Variants in DCAF6 observed in about 807,000 individuals in gnomAD.
The protein encoded by DCAF6 is DDB1 and CUL4 associated factor 6.
A neutral mutation model predicts 125.1 loss-of-function variants in DCAF6; 54 were observed. The ratio of observed to expected loss-of-function variants is 0.43; its 90% CI spans 0.35 to 0.54. The LOEUF (loss-of-function observed/expected upper bound fraction) is 0.54. DCAF6 is among the 20% of genes least tolerant of loss of function. The probability of loss-of-function intolerance (pLI) is 0.01; values close to 1 mark genes in which losing one functional copy is unlikely to be tolerated. For missense variants in DCAF6, 934 were observed against 1,161.7 expected (o/e 0.80, Z 2.85); for synonymous variants, 371 against 390.4 (o/e 0.95, Z 0.58).
chr1:168,030,813 A>T (rs910145430), intron 12 of DCAF6, among the ~76,000 whole-genome samples: 2 of 152,242 alleles, frequency 1.3e-5, no homozygotes, highest in Non-Finnish European at 2.9e-5. Context: ...TAGGTTATAC[A>T]TTTATTTATA....
intron 12 of DCAF6, among the ~76,000 whole-genome samples, chr1:168,034,818 C>G (rs1687590527): frequency 6.6e-6 from 1 of 152,082 alleles, no homozygotes; most frequent in Admixed American, 6.5e-5. Context: ...GTAAATAAGA[C>G]TTTGAAAAAT....
the DCAF6 span, among the ~76,000 whole-genome samples, chr1:167,909,121 A>G: frequency 6.6e-6 from 1 of 152,242 alleles, no homozygotes; most frequent in East Asian, 1.9e-4. Context: ...AACATAGATC[A>G]CCTTTGCCAG....
intron 13 of DCAF6, among the ~76,000 whole-genome samples, chr1:168,039,340 AATTG>A (rs1176427296): frequency 2.0e-5 from 3 of 151,716 alleles, no homozygotes; most frequent in South Asian, 2.1e-4. Flanking sequence ...TTTAGTATTT[AATTG>A]ATTATTAGTA....
At chr1:168,035,555 AACTACACTC>A (rs1434882768) in intron 12 of DCAF6, among the ~76,000 whole-genome samples, 1 of 152,140 alleles carries the variant, frequency 6.6e-6, no homozygotes, top group Non-Finnish European at 1.5e-5. Context: ...ACGAGGAAAT[AACTACACTC>A]AGGGACCTGA....
At position 168,068,214 on chromosome 1, in the gene DCAF6, T is replaced by A. The variant is rs1692589973; in HGVS notation, c.2686-144T>A. 1.7e-5 allele frequency: 8 copies of A among 465,494 alleles called. No homozygotes were observed. In the South Asian group the frequency reaches 2.6e-4, roughly 15 times the overall value. 28.8% of individuals were successfully genotyped at this position (465,494 alleles called of 1,614,324 possible). A position where few individuals can be genotyped will look rare whatever the true frequency, so the allele number is the denominator to read the frequency against. ...GTGATTATTTGGCATTGAATAGACT[T>A]AAGGCAGAAATATAGACATCAGACG... On this transcript the variant is annotated intron_variant, in intron 20 of 21. Transcript: ENST00000367840.
chr1:168,003,845 A>G (rs1260852537), intron 8 of DCAF6, 25 bp from the exon 9 acceptor site: 1 of 1,574,242 alleles, frequency 6.4e-7, no homozygotes, highest in Admixed American at 1.8e-5. Context: ...TACTAAACTC[A>G]CTGATAAGAC....
At chr1:167,972,459 T>C (rs1424286506) in intron 3 of DCAF6, among the ~76,000 whole-genome samples, 1 of 152,204 alleles carries the variant, frequency 6.6e-6, no homozygotes, top group Non-Finnish European at 1.5e-5. Context: ...ACAGTCACTG[T>C]AGGGTTTTAA....
At chr1:167,980,483 T>G (rs1170450385) in intron 4 of DCAF6, among the ~76,000 whole-genome samples, 1 of 152,204 alleles carries the variant, frequency 6.6e-6, no homozygotes, top group Admixed American at 6.5e-5. Context: ...TGCCAACACT[T>G]ACAATTTTTT....
intron 11 of DCAF6, among the ~76,000 whole-genome samples, chr1:168,017,227 T>A (rs202253): frequency 1.4e-5 from 2 of 147,718 alleles, no homozygotes; most frequent in Non-Finnish European, 3.0e-5. Flanking sequence ...AACATTTTTG[T>A]TTTTTTTTTT....
At chr1:167,994,432 T>G (rs1307701535) in intron 7 of DCAF6, among the ~76,000 whole-genome samples, 2 of 152,158 alleles carry the variant, frequency 1.3e-5, no homozygotes, top group Non-Finnish European at 2.9e-5. Flanking sequence ...TTACTCTTCA[T>G]ATATGGACAG....
At chr1:168,031,118 G>C (rs925964664) in intron 12 of DCAF6, among the ~76,000 whole-genome samples, 1 of 152,170 alleles carries the variant, frequency 6.6e-6, no homozygotes, top group African/African-American at 2.4e-5. Flanking sequence ...AAAGAAATTT[G>C]GGAGATTTTT....
chr1:168,001,558 A>AT (rs1682627445), intron 7 of DCAF6, among the ~76,000 whole-genome samples: 1 of 152,138 alleles, frequency 6.6e-6, no homozygotes, highest in South Asian at 2.1e-4. Flanking sequence ...TGAATATAGA[A>AT]TTTTCTCAAG....
At chr1:167,939,494 G>C (rs2102611790) in intron 1 of DCAF6, among the ~76,000 whole-genome samples, 1 of 152,252 alleles carries the variant, frequency 6.6e-6, no homozygotes, top group Admixed American at 6.5e-5. Context: ...CGGGCGCGGT[G>C]GCTTACGCCT....
rs867696482 is a variant in DCAF6 at position 168,043,138 on chromosome 1, C to T, written c.1841C>T (p.Thr614Ile). 2 of 1,608,824 alleles carry T rather than the reference C, an allele frequency of 1.2e-6. No homozygotes were observed. Among genetic ancestry groups the T allele is most frequent in the African/African-American group, 1.3e-5 (1 of 74,766 alleles). ...CAACCACCAGAAGGAGACAGTGAAACAAGTAAGGTGTTATTTTGCTTTTGT... is the reference window on the plus strand; with the variant it reads ...CAACCACCAGAAGGAGACAGTGAAATAAGTAAGGTGTTATTTTGCTTTTGT... ...SVQPPEGDSE[T>I]KAPEESSEDV... Residue 614 changes from threonine to isoleucine, a missense_variant and splice_region_variant, in exon 14 of 22, where the codon ACA becomes ATA. Transcript: ENST00000367840.
the DCAF6 span, among the ~76,000 whole-genome samples, chr1:167,925,546 G>GT: frequency 7.9e-5 from 8 of 101,826 alleles, no homozygotes; most frequent in Admixed American, 2.1e-4. Context: ...TTTTTTTTTG[G>GT]TTTTTTTTGT....
intron 12 of DCAF6, among the ~76,000 whole-genome samples, chr1:168,037,621 T>C (rs1688007882): frequency 6.6e-6 from 1 of 152,190 alleles, no homozygotes. Context: ...TTAATTTGTG[T>C]AGGCTTTCTT....
the DCAF6 span, among the ~76,000 whole-genome samples, chr1:167,895,746 G>C: frequency 6.6e-6 from 1 of 152,204 alleles, no homozygotes; most frequent in Admixed American, 6.5e-5. Flanking sequence ...TTGAGAGTGA[G>C]TGTCTGCTTA....
intron 16 of DCAF6, among the ~76,000 whole-genome samples, chr1:168,048,278 A>G (rs1689390574): frequency 6.6e-6 from 1 of 152,180 alleles, no homozygotes; most frequent in Non-Finnish European, 1.5e-5. Flanking sequence ...AGCCCAGTCA[A>G]TATTAGTTTA....
chr1:167,893,096 TA>T, the DCAF6 span, among the ~76,000 whole-genome samples: 1 of 152,150 alleles, frequency 6.6e-6, no homozygotes, highest in African/African-American at 2.4e-5. Flanking sequence ...ATTAAGAGAA[TA>T]AAAAGAGAAA....
Sources: gnomAD v4.1 joint callset for allele counts (sites outside exome capture counted in the v4.1 genomes callset) on GRCh38, gnomAD v4.1.1 for gene constraint, MANE v1.5 for transcripts, NCBI Gene and HGNC (gene_info 2026-07-23, HGNC 2026-07-21) for gene names.